The following MIPOL1 variants were observed in gnomAD, a reference collection of about 807,000 sequenced individuals.
MIPOL1 encodes the protein mirror-image polydactyly gene 1 protein.
A neutral mutation model predicts 60.9 loss-of-function variants in MIPOL1; 57 were observed. The observed-to-expected ratio is 0.94, with a 90% CI of 0.76 to 1.17. MIPOL1 has a LOEUF of 1.17. MIPOL1 is among the 50% of genes most tolerant of loss of function. MIPOL1 has a pLI of 0.00. For synonymous variants in MIPOL1, 179 were observed against 168.8 expected, an observed-to-expected ratio of 1.06 and a Z score of -0.47; for missense variants, 551 against 511.6, an observed-to-expected ratio of 1.08 and a Z score of -0.74.
chr14:37,395,561 T>C (rs1216936124), intron 10 of MIPOL1, among the ~76,000 whole-genome samples: 1 of 152,182 alleles, frequency 6.6e-6, no homozygotes, highest in East Asian at 1.9e-4. Context: ...CTCTGCTTGG[T>C]CACTGTTGGT....
At chr14:37,302,350 C>T (rs930194003) in intron 7 of MIPOL1, among the ~76,000 whole-genome samples, 8 of 147,250 alleles carry the variant, frequency 5.4e-5, no homozygotes, top group Non-Finnish European at 1.0e-4. Flanking sequence ...TTGCATTTCC[C>T]TGATGACAAA....
At chr14:37,366,440 G>T (rs1448111179) in intron 9 of MIPOL1, among the ~76,000 whole-genome samples, 1 of 151,536 alleles carries the variant, frequency 6.6e-6, no homozygotes, top group Non-Finnish European at 1.5e-5. Context: ...GTTTAATTTT[G>T]GTGTGTTTGT....
At chr14:37,458,100 A>C (rs1347270114) in intron 11 of MIPOL1, among the ~76,000 whole-genome samples, 1 of 152,198 alleles carries the variant, frequency 6.6e-6, no homozygotes, top group Non-Finnish European at 1.5e-5. Flanking sequence ...TCATTATATA[A>C]TAATAAAGAG....
chr14:37,452,740 A>C (rs1480106445), intron 11 of MIPOL1, among the ~76,000 whole-genome samples: 1 of 152,226 alleles, frequency 6.6e-6, no homozygotes, highest in African/African-American at 2.4e-5. Flanking sequence ...ATGAAAAATA[A>C]CTTAGGGGCA....
At chr14:37,475,097 T>C (rs1218223200) in intron 11 of MIPOL1, among the ~76,000 whole-genome samples, 2 of 152,042 alleles carry the variant, frequency 1.3e-5, no homozygotes. Context: ...CCTGAGTAGC[T>C]GGGACTACAG....
intron 1 of MIPOL1, among the ~76,000 whole-genome samples, chr14:37,233,090 T>C (rs1304355863): frequency 6.6e-6 from 1 of 152,208 alleles, no homozygotes; most frequent in Admixed American, 6.5e-5. Flanking sequence ...CACCCTCTAG[T>C]GTCACTATTT....
chr14:37,451,466 T>G (rs1049677162), intron 11 of MIPOL1, among the ~76,000 whole-genome samples: 1 of 152,186 alleles, frequency 6.6e-6, no homozygotes, highest in African/African-American at 2.4e-5. Context: ...AGATTGTACA[T>G]CAAAAGGTTT....
intron 2 of MIPOL1, 46 bp downstream of exon 2, chr14:37,247,286 A>G (rs938181212): frequency 2.0e-5 from 3 of 152,532 alleles, no homozygotes; most frequent in East Asian, 1.9e-4. Flanking sequence ...AAAAACTTGC[A>G]TAGTGTTTTA....
Position 37,517,164 on chromosome 14 carries a change from C to G in MIPOL1, c.1262+17026C>G, listed in dbSNP as rs1020378756. Among the ~76,000 whole-genome samples the G allele has an allele frequency of 2.6e-5, 4 of 152,130 alleles. 1 individual carries two copies. Among genetic ancestry groups the G allele is most frequent in the South Asian group, 4.1e-4 (2 of 4,826 alleles). On this transcript the variant is annotated intron_variant, in intron 12 of 12. Transcript: ENST00000684589. ...TTCTCATCTGGAAGATATACTTGCT[C>G]TAATCTAGTTCAAAACATGGCTATA...
chr14:37,454,829 A>G (rs905247961), intron 11 of MIPOL1, among the ~76,000 whole-genome samples: 15 of 152,204 alleles, frequency 9.9e-5, no homozygotes, highest in African/African-American at 2.2e-4. Context: ...CATGGGAGGT[A>G]GCTGATAATT....
At chr14:37,330,255 C>A (rs926002549) in intron 9 of MIPOL1, among the ~76,000 whole-genome samples, 1 of 151,866 alleles carries the variant, frequency 6.6e-6, no homozygotes, top group Non-Finnish European at 1.5e-5. Flanking sequence ...AAATTCAGAA[C>A]GGTTCTTGAA....
intron 1 of MIPOL1, among the ~76,000 whole-genome samples, chr14:37,209,119 A>G (rs1239646227): frequency 6.6e-6 from 1 of 152,188 alleles, no homozygotes; most frequent in Non-Finnish European, 1.5e-5. Flanking sequence ...TATTCTAGGA[A>G]CTAATCCAGA....
intron 12 of MIPOL1, chr14:37,506,822 G>A (rs1170622559): frequency 6.6e-6 from 1 of 152,046 alleles, no homozygotes; most frequent in Non-Finnish European, 1.5e-5. Flanking sequence ...CCTACAGAAT[G>A]GGAGAAAATT....
chr14:37,429,095 A>G (rs1212772374), intron 11 of MIPOL1, among the ~76,000 whole-genome samples: 2 of 152,218 alleles, frequency 1.3e-5, no homozygotes, highest in African/African-American at 4.8e-5. Flanking sequence ...AGACAGTTTC[A>G]TCAAGAAAGA....
chr14:37,240,286 A>G (rs954209127), intron 1 of MIPOL1: 1 of 152,214 alleles, frequency 6.6e-6, no homozygotes, highest in Non-Finnish European at 1.5e-5. Flanking sequence ...GCATTATAAT[A>G]TATGATGAAT....
chr14:37,310,382 T>C (rs1271323894), intron 9 of MIPOL1, among the ~76,000 whole-genome samples: 1 of 152,138 alleles, frequency 6.6e-6, no homozygotes, highest in East Asian at 1.9e-4. Flanking sequence ...TTTTATCTCT[T>C]CTTTCTCCTT....
chr14:37,340,032 A>G (rs1035703394), intron 9 of MIPOL1, among the ~76,000 whole-genome samples: 22 of 152,204 alleles, frequency 1.4e-4, no homozygotes, highest in African/African-American at 4.8e-4. Flanking sequence ...CTTATAAGGT[A>G]TGGTTAAAAT....
intron 11 of MIPOL1, among the ~76,000 whole-genome samples, chr14:37,423,331 A>G (rs896038613): frequency 1.3e-5 from 2 of 149,998 alleles, no homozygotes; most frequent in African/African-American, 2.4e-5. Context: ...ATTTAAATAT[A>G]TATATTTTAA....
At chr14:37,221,737 C>T (rs1438581908) in intron 1 of MIPOL1, among the ~76,000 whole-genome samples, 2 of 152,158 alleles carry the variant, frequency 1.3e-5, no homozygotes, top group Non-Finnish European at 2.9e-5. Context: ...TAATTACCTT[C>T]CACAAGGACC....
Sources: allele counts gnomAD v4.1 joint callset (sites outside exome capture counted in the v4.1 genomes callset), GRCh38; gene constraint gnomAD v4.1.1; transcripts MANE v1.5; gene names NCBI Gene and HGNC (gene_info 2026-07-23, HGNC 2026-07-21).